Variants in AGBL4 observed in about 807,000 individuals in gnomAD.
AGBL4 encodes the protein AGBL carboxypeptidase 4, also known as cytosolic carboxypeptidase 6.
AGBL4 carries 58 observed loss-of-function variants against 66.4 expected under a neutral mutation model. The observed-to-expected ratio is 0.87, with a 90% CI of 0.71 to 1.09. AGBL4 has a LOEUF of 1.09. Among genes scored for constraint, AGBL4 ranks in the 50% least tolerant of loss-of-function variants. The pLI is 0.00. For synonymous variants in AGBL4, 234 were observed against 222.9 expected, an observed-to-expected ratio of 1.05 and a Z score of -0.44; for missense variants, 579 against 631.0, an observed-to-expected ratio of 0.92 and a Z score of 0.88.
intron 3 of AGBL4, among the ~76,000 whole-genome samples, chr1:49,678,644 G>A (rs1004356483): frequency 6.6e-6 from 1 of 151,794 alleles, no homozygotes; most frequent in Non-Finnish European, 1.5e-5. Context: ...CACAAATTTT[G>A]GTAAGTTGTA....
At chr1:49,316,136 T>C (rs1340995803) in intron 3 of AGBL4, among the ~76,000 whole-genome samples, 4 of 151,800 alleles carry the variant, frequency 2.6e-5, no homozygotes, top group Admixed American at 1.3e-4. Context: ...AGGTGGAGCA[T>C]AGGGAATTTT....
chr1:48,607,884 A>T (rs2148374853), intron 9 of AGBL4, among the ~76,000 whole-genome samples: 1 of 152,348 alleles, frequency 6.6e-6, no homozygotes, highest in African/African-American at 2.4e-5. Context: ...CACATTGGAC[A>T]TCATTTAATC....
intron 3 of AGBL4, among the ~76,000 whole-genome samples, chr1:49,552,059 G>A (rs1368617595): frequency 6.6e-6 from 1 of 152,072 alleles, no homozygotes. Context: ...CCTCTGCTAA[G>A]TCATGCAGGT....
At position 49,673,414 on chromosome 1, in the gene AGBL4, C is replaced by T. The variant is rs139137035; in HGVS notation, c.282+23899G>A. Among the ~76,000 whole-genome samples the T allele has an allele frequency of 1.1e-3, 163 of 152,192 alleles. 6 individuals are homozygous for T. In the East Asian group the frequency reaches 0.027, roughly 25 times the overall value. ...AGCACAATAGGGTGACTATAGTCAA[C>T]AACAACTTAATTGTATATTTTAAAA... On this transcript the variant is annotated intron_variant, in intron 3 of 13. Coordinates refer to ENST00000371839, the MANE Select transcript of AGBL4 (RefSeq NM_032785.4).
chr1:49,538,176 A>T (rs1258867844), intron 3 of AGBL4, among the ~76,000 whole-genome samples: 1 of 152,270 alleles, frequency 6.6e-6, no homozygotes, highest in African/African-American at 2.4e-5. Flanking sequence ...ACTATTCATA[A>T]TAACAAAGAT....
chr1:49,844,761 T>C (rs1429864394), intron 2 of AGBL4: 7 of 1,590,310 alleles, frequency 4.4e-6, no homozygotes, highest in Non-Finnish European at 6.0e-6. Flanking sequence ...TATCCAACAA[T>C]GTCATCTTGG....
chr1:48,898,755 G>C (rs1187980613), intron 5 of AGBL4, among the ~76,000 whole-genome samples: 1 of 152,008 alleles, frequency 6.6e-6, no homozygotes, highest in African/African-American at 2.4e-5. Flanking sequence ...TTTTGCTCAG[G>C]GTTGCTTTGG....
Position 49,851,524 on chromosome 1 carries a change from TA to T in AGBL4, c.35-7del. On this transcript the variant is annotated splice_region_variant and splice_polypyrimidine_tract_variant and intron_variant, in intron 1 of 13. Coordinates refer to ENST00000371839, the MANE Select transcript of AGBL4 (RefSeq NM_032785.4). ...ATCATTTCCCATATCATTGCCTATT[TA>T]AAAAAATTGAAATAAAAGTCAAAGT... is the stretch of plus-strand genomic sequence containing the variant. The T allele has an allele frequency of 5.2e-6, 8 of 1,543,530 alleles. No homozygotes were observed. Among genetic ancestry groups the T allele is most frequent in the Non-Finnish European group, 7.0e-6 (8 of 1,144,292 alleles).
At chr1:49,248,626 A>T (rs1215625824) in intron 3 of AGBL4, among the ~76,000 whole-genome samples, 1 of 152,096 alleles carries the variant, frequency 6.6e-6, no homozygotes, top group African/African-American at 2.4e-5. Flanking sequence ...AGGAAAGGTA[A>T]TTATTCTTTT....
chr1:49,352,700 A>G (rs772151725), intron 3 of AGBL4, among the ~76,000 whole-genome samples: 1 of 152,184 alleles, frequency 6.6e-6, no homozygotes, highest in Non-Finnish European at 1.5e-5. Flanking sequence ...ATGAGGACAG[A>G]TAGAGGAATA....
intron 2 of AGBL4, among the ~76,000 whole-genome samples, chr1:49,798,165 T>C (rs1333240168): frequency 1.3e-5 from 2 of 152,202 alleles, no homozygotes; most frequent in African/African-American, 2.4e-5. Context: ...GATGATCAAA[T>C]TAAGTAATTA....
chr1:49,256,727 G>C (rs1473920769), intron 3 of AGBL4, among the ~76,000 whole-genome samples: 7 of 152,258 alleles, frequency 4.6e-5, no homozygotes, highest in African/African-American at 1.7e-4. Flanking sequence ...GTTTTAGATA[G>C]CAAGACTTAC....
At chr1:49,430,852 G>T (rs898777200) in intron 3 of AGBL4, among the ~76,000 whole-genome samples, 5 of 152,022 alleles carry the variant, frequency 3.3e-5, no homozygotes, top group African/African-American at 4.8e-5. Context: ...GCTTAGTTTT[G>T]CATGCTTTTA....
chr1:49,697,712 T>C (rs1037451269), intron 2 of AGBL4, among the ~76,000 whole-genome samples: 3 of 152,170 alleles, frequency 2.0e-5, no homozygotes, highest in Non-Finnish European at 4.4e-5. Context: ...CAGGATATTA[T>C]ATAAAGCCTG....
intron 6 of AGBL4, among the ~76,000 whole-genome samples, chr1:48,675,559 A>G (rs1233550610): frequency 6.6e-6 from 1 of 152,234 alleles, no homozygotes; most frequent in Non-Finnish European, 1.5e-5. Context: ...TCAATAATGG[A>G]TTTTAAAACA....
chr1:49,356,126 C>T (rs894642420), intron 3 of AGBL4, among the ~76,000 whole-genome samples: 2 of 152,152 alleles, frequency 1.3e-5, no homozygotes. Context: ...TGTGAGTCAA[C>T]TATGAAGATC....
chr1:48,798,133 A>T (rs1645731838), intron 6 of AGBL4, among the ~76,000 whole-genome samples: 1 of 152,166 alleles, frequency 6.6e-6, no homozygotes, highest in South Asian at 2.1e-4. Flanking sequence ...CATCCATGCC[A>T]ACATCTATTA....
intron 2 of AGBL4, among the ~76,000 whole-genome samples, chr1:49,810,805 T>A (rs1010031277): frequency 5.3e-5 from 8 of 152,124 alleles, no homozygotes; most frequent in African/African-American, 9.7e-5. Context: ...GAAAGTGATA[T>A]GATTAAATCT....
chr1:49,784,787 A>C (rs1164497078), intron 2 of AGBL4, among the ~76,000 whole-genome samples: 1 of 152,026 alleles, frequency 6.6e-6, no homozygotes, highest in Non-Finnish European at 1.5e-5. Context: ...AAAAAGATAA[A>C]TGACCCAATA....
Sources: gnomAD v4.1 joint callset for allele counts (sites outside exome capture counted in the v4.1 genomes callset) on GRCh38, gnomAD v4.1.1 for gene constraint, MANE v1.5 for transcripts, NCBI Gene and HGNC (gene_info 2026-07-23, HGNC 2026-07-21) for gene names.